NEK5: variants seen among roughly 807,000 people sequenced by gnomAD.
NEK5 encodes the protein serine/threonine-protein kinase Nek5.
A neutral mutation model predicts 109.2 loss-of-function variants in NEK5; 88 were observed. The observed-to-expected ratio is 0.81, with a 90% CI of 0.68 to 0.96. The LOEUF is 0.96. NEK5 is among the 40% of genes least tolerant of loss of function. NEK5 has a pLI of 0.00. For synonymous variants in NEK5, 283 were observed against 299.9 expected, an observed-to-expected ratio of 0.94 and a Z score of 0.58; for missense variants, 834 against 920.7, an observed-to-expected ratio of 0.91 and a Z score of 1.22.
At chr13:52,084,758 AGAGAGTGTGT>A (rs1300080836) in intron 16 of NEK5, among the ~76,000 whole-genome samples, 342 of 45,028 alleles carry the variant, frequency 7.6e-3, no homozygotes, top group Middle Eastern at 0.033. Flanking sequence ...AGAGAGAGAG[AGAGAGTGTGT>A]GTGTGTGTGT....
intron 23 of NEK5, among the ~76,000 whole-genome samples, chr13:52,037,847 T>C (rs922011322): frequency 3.3e-5 from 5 of 150,572 alleles, no homozygotes; most frequent in East Asian, 2.0e-4. Flanking sequence ...GGCATGAACC[T>C]GGGAGGCGGA....
chr13:52,097,917 G>T (rs193148291), intron 12 of NEK5, among the ~76,000 whole-genome samples: 8 of 152,166 alleles, frequency 5.3e-5, no homozygotes, highest in Non-Finnish European at 1.2e-4. Context: ...TAGATTATGG[G>T]GACAGATTTC....
chr13:52,066,031 A>T (rs577043547), intron 20 of NEK5, among the ~76,000 whole-genome samples: 66 of 152,108 alleles, frequency 4.3e-4, no homozygotes, highest in Middle Eastern at 3.4e-3. Context: ...AAAATCACCC[A>T]TAATCTCACT....
At chr13:52,091,935 C>CAAAA (rs1245341767) in intron 13 of NEK5, among the ~76,000 whole-genome samples, 22 of 152,124 alleles carry the variant, frequency 1.4e-4, no homozygotes, top group African/African-American at 5.3e-4. Flanking sequence ...CTCAAAATGT[C>CAAAA]TCAAATGATC....
At chr13:52,067,415 A>G (rs2137773060) in intron 20 of NEK5, among the ~76,000 whole-genome samples, 1 of 152,324 alleles carries the variant, frequency 6.6e-6, no homozygotes, top group South Asian at 2.1e-4. Flanking sequence ...TAGCACAGGA[A>G]GCTTGCCTAA....
Position 52,086,365 on chromosome 13 carries a change from T to C in NEK5, c.1393-2A>G. The C allele has an allele frequency of 2.1e-5, 34 of 1,601,026 alleles. No homozygotes were observed. The highest frequency in any genetic ancestry group is 2.9e-5 in the Non-Finnish European group (34 of 1,168,512). On this transcript the variant is annotated splice_acceptor_variant, in intron 15 of 23. Coordinates refer to ENST00000684899, the MANE Select transcript of NEK5 (RefSeq NM_001365552.1). LOFTEE classifies it high-confidence loss of function. ...TTCCTCTAACTGCTTCCAATATTCC[T>C]GGAAAGCAAACCCAATCCAGAAACT... is the stretch of plus-strand genomic sequence containing the variant.
chr13:52,067,317 T>G (rs572795947), intron 20 of NEK5, among the ~76,000 whole-genome samples: 43 of 152,118 alleles, frequency 2.8e-4, no homozygotes, highest in African/African-American at 9.9e-4. Flanking sequence ...AAAGAATCAG[T>G]TAGGCAGGCA....
At chr13:52,055,259 A>C (rs868635709) in intron 22 of NEK5, among the ~76,000 whole-genome samples, 1 of 152,186 alleles carries the variant, frequency 6.6e-6, no homozygotes, top group Non-Finnish European at 1.5e-5. Flanking sequence ...AAAAAGAATA[A>C]AAAGAAACGA....
intron 23 of NEK5, among the ~76,000 whole-genome samples, chr13:52,048,241 T>G (rs1485077977): frequency 6.6e-6 from 1 of 152,178 alleles, no homozygotes; most frequent in Non-Finnish European, 1.5e-5. Context: ...CATCACTGTG[T>G]ATCCTATGAA....
chr13:52,103,282 T>A (rs916056683), intron 9 of NEK5, among the ~76,000 whole-genome samples: 1 of 152,068 alleles, frequency 6.6e-6, no homozygotes, highest in Non-Finnish European at 1.5e-5. Flanking sequence ...TACAAAAAAA[T>A]TAGCCGGGTG....
intron 7 of NEK5, among the ~76,000 whole-genome samples, 188 bp downstream of exon 7, chr13:52,110,152 T>C (rs1955729736): frequency 6.6e-6 from 1 of 152,214 alleles, no homozygotes; most frequent in African/African-American, 2.4e-5. Flanking sequence ...AGCAACATCA[T>C]TCTATTACAC....
intron 12 of NEK5, among the ~76,000 whole-genome samples, chr13:52,098,579 A>G (rs890218168): frequency 2.0e-5 from 3 of 152,164 alleles, no homozygotes; most frequent in African/African-American, 7.2e-5. Flanking sequence ...ATTAAACACA[A>G]AGAATCACTA....
intron 22 of NEK5, among the ~76,000 whole-genome samples, chr13:52,057,049 A>AG (rs1954562838): frequency 6.6e-6 from 1 of 152,222 alleles, no homozygotes; most frequent in Non-Finnish European, 1.5e-5. Flanking sequence ...ATAAACCGCT[A>AG]GCAAGACTAA....
At chr13:52,097,846 C>A (rs1955448530) in intron 12 of NEK5, among the ~76,000 whole-genome samples, 1 of 152,062 alleles carries the variant, frequency 6.6e-6, no homozygotes, top group African/African-American at 2.4e-5. Flanking sequence ...TGTGTCCCTG[C>A]CCAAATTTCA....
chr13:52,053,168 G>C (rs1195908525), intron 22 of NEK5, among the ~76,000 whole-genome samples: 4 of 152,170 alleles, frequency 2.6e-5, no homozygotes, highest in Non-Finnish European at 5.9e-5. Context: ...GGGCATAGTG[G>C]CATGCGCCTG....
intron 16 of NEK5, 98 bp downstream of exon 16, chr13:52,086,177 CTT>C (rs1401429909): frequency 6.3e-5 from 53 of 838,342 alleles, no homozygotes; most frequent in Non-Finnish European, 1.0e-4. Flanking sequence ...TATGATAAAA[CTT>C]TATCTTTTCT....
At chr13:52,125,621 A>G (rs551907898) in intron 3 of NEK5, among the ~76,000 whole-genome samples, 1 of 152,342 alleles carries the variant, frequency 6.6e-6, no homozygotes, top group South Asian at 2.1e-4. Flanking sequence ...ATGCAGAACT[A>G]GGGTACTGAA....
intron 19 of NEK5, among the ~76,000 whole-genome samples, chr13:52,075,339 C>G (rs1954848324): frequency 6.6e-6 from 1 of 152,086 alleles, no homozygotes; most frequent in Non-Finnish European, 1.5e-5. Flanking sequence ...CAGCTGGAGG[C>G]TACTATCCTA....
At chr13:52,104,110 C>T (rs1955599900) in intron 9 of NEK5, among the ~76,000 whole-genome samples, 1 of 152,114 alleles carries the variant, frequency 6.6e-6, no homozygotes, top group Non-Finnish European at 1.5e-5. Flanking sequence ...CAGGCACATG[C>T]CACCATGCCT....
Sources: allele counts gnomAD v4.1 joint callset (sites outside exome capture counted in the v4.1 genomes callset), GRCh38; gene constraint gnomAD v4.1.1; transcripts MANE v1.5; gene names NCBI Gene and HGNC (gene_info 2026-07-23, HGNC 2026-07-21).